The following RBBP7 variants were observed in gnomAD, a reference collection of about 807,000 sequenced individuals.
RBBP7 encodes histone-binding protein RBBP7.
In RBBP7, 5 loss-of-function variants were observed where a neutral mutation model predicts 35.2. That is an observed-to-expected ratio of 0.14 (90% CI 0.07 to 0.30). The LOEUF is 0.30. Ranked by LOEUF, RBBP7 falls within the 10% of genes least tolerant of loss-of-function variation. The pLI, the probability that RBBP7 is intolerant of heterozygous loss-of-function variation, is 1.00. For synonymous variants in RBBP7, 140 were observed against 118.7 expected (o/e 1.18, Z -1.17); for missense variants, 155 against 327.5 (o/e 0.47, Z 4.07).
intron 2 of RBBP7, among the ~76,000 whole-genome samples, chrX:16,864,542 A>AAAAAAAAAAAAAAAAG (rs1569063331): frequency 2.5e-5 from 1 of 40,705 alleles, no homozygotes; most frequent in Non-Finnish European, 4.4e-5. Context: ...AAAAAAAAAA[A>AAAAAAAAAAAAAAAAG]AAAAAGAAAA....
chrX:16,869,608 C>T, intron 1 of RBBP7: 1 of 1,162,121 alleles, frequency 8.6e-7, no homozygotes, highest in Middle Eastern at 2.3e-4. Flanking sequence ...TCAGGGGAGG[C>T]CCCAGCTCCC....
intron 2 of RBBP7, among the ~76,000 whole-genome samples, chrX:16,863,674 T>C (rs1281403717): frequency 1.8e-5 from 2 of 112,188 alleles, no homozygotes; most frequent in African/African-American, 6.5e-5. Flanking sequence ...CTGAATAAAA[T>C]AGGCTATAAG....
Position 16,870,267 on chromosome X carries a change from TTCTC to T in RBBP7, c.-218_-215del, listed in dbSNP as rs752717090. 2.3e-5 allele frequency: 9 copies of T among 386,157 alleles called. No homozygotes were observed. The highest frequency in any genetic ancestry group is 8.2e-5 in the African/African-American group (3 of 36,522). The allele number at this position is 386,157 out of a possible 1,213,427, so 31.8% of individuals were successfully genotyped here. A position where few individuals can be genotyped will look rare whatever the true frequency, so the allele number is the denominator to read the frequency against. On this transcript the variant is annotated 5_prime_UTR_variant, in exon 1 of 12. It removes the in-frame stop codon of an upstream open reading frame in the 5' UTR. Transcript: ENST00000380087. ...GCGGGTACCGAGGTCTGAGGCGCTC[TTCTC>T]TCTCTCTCCAAACTTGGAACGAGAC...
chrX:16,869,049 A>C (rs1293984709), intron 2 of RBBP7, 27 bp downstream of exon 2: 1 of 1,183,825 alleles, frequency 8.4e-7, no homozygotes, highest in Non-Finnish European at 1.1e-6. Flanking sequence ...AAATTTAAAC[A>C]AAATAAAAGT....
In RBBP7 at chrX:16,857,792, C is replaced by T. The variant is rs1602421148; in HGVS notation, c.482-83G>A. On this transcript the variant is annotated intron_variant, in intron 4 of 11. Transcript: ENST00000380087. Reference sequence around the variant, plus strand: ...AATTCTCACTCCTTCATTGAGTGAACCATTACAGCAACTGCACACGAACGA... The same window carrying T: ...AATTCTCACTCCTTCATTGAGTGAATCATTACAGCAACTGCACACGAACGA... 4.5e-6 allele frequency: 5 copies of T among 1,121,236 alleles called. No individual in the cohort carries two copies. In the East Asian group the frequency reaches 1.6e-4, roughly 36 times the overall value. 92.4% of individuals were successfully genotyped at this position (1,121,236 alleles called of 1,213,427 possible). A position where few individuals can be genotyped will look rare whatever the true frequency, so the allele number is the denominator to read the frequency against.
At chrX:16,867,955 G>A (rs996743682) in intron 2 of RBBP7, among the ~76,000 whole-genome samples, 1 of 111,244 alleles carries the variant, frequency 9.0e-6, no homozygotes, top group African/African-American at 3.3e-5. Flanking sequence ...GAAGTGCTAC[G>A]ATTACAGGCG....
Position 16,844,745 on chromosome X carries a change from C to CTT in RBBP7, c.*288_*289dup, listed in dbSNP as rs750937673. The CTT allele has an allele frequency of 4.8e-6, 1 of 209,533 alleles. No homozygotes were observed. Among genetic ancestry groups the CTT allele is most frequent in the Admixed American group, 7.2e-5 (1 of 13,826 alleles). The allele number at this position is 209,533 out of a possible 1,213,427, so 17.3% of individuals were successfully genotyped here. A position where few individuals can be genotyped will look rare whatever the true frequency, so the allele number is the denominator to read the frequency against. ...CTTGCATATTTGGGAACAGCAAGCA[C>CTT]TTAGTTTGAGAAAATGAGGACTTAA... On this transcript the variant is annotated 3_prime_UTR_variant, in exon 12 of 12. Transcript: ENST00000380087.
chrX:16,856,402 T>C (rs1473646191), intron 5 of RBBP7, among the ~76,000 whole-genome samples: 5 of 111,059 alleles, frequency 4.5e-5, no homozygotes, highest in African/African-American at 1.6e-4. Context: ...TCATGGTGCA[T>C]GGCTGTAATC....
intron 10 of RBBP7, 129 bp from the exon 11 acceptor site, chrX:16,846,067 T>C: frequency 9.6e-7 from 1 of 1,045,220 alleles, no homozygotes; most frequent in Non-Finnish European, 1.3e-6. Context: ...TAGAAGGTGG[T>C]ACAGGCTCAG....
At chrX:16,857,553 C>T (rs1395986790) in intron 5 of RBBP7, 41 bp downstream of exon 5, 1 of 1,205,819 alleles carries the variant, frequency 8.3e-7, no homozygotes, top group Non-Finnish European at 1.1e-6. Flanking sequence ...GACACGTCAG[C>T]TCTCACTATA....
At chrX:16,864,985 G>A (rs960457656) in intron 2 of RBBP7, among the ~76,000 whole-genome samples, 4 of 96,120 alleles carry the variant, frequency 4.2e-5, no homozygotes, top group African/African-American at 1.6e-4. Flanking sequence ...CGTAGTACCA[G>A]CTACTAGGGC....
chrX:16,869,884 C>G, intron 1 of RBBP7, 154 bp downstream of exon 1: 2 of 804,165 alleles, frequency 2.5e-6, no homozygotes, highest in Non-Finnish European at 3.0e-6. Context: ...GGTCCCGTCC[C>G]GCGCAGGCCC....
chrX:16,870,032 T>C lies in RBBP7; in HGVS notation c.16+6A>G. ...CCGGCGCGCGCCGCCCCGCAGGGCC[T>C]CTTACTCTCTTTACTCGCCATCTTG... On this transcript the variant is annotated splice_donor_region_variant and intron_variant, in intron 1 of 11. Coordinates refer to ENST00000380087, the MANE Select transcript of RBBP7 (RefSeq NM_002893.4). 4.9e-6 allele frequency: 5 copies of C among 1,012,044 alleles called. No individual in the cohort carries two copies. Among genetic ancestry groups the C allele is most frequent in the Non-Finnish European group, 5.1e-6 (4 of 780,814 alleles). 83.4% of individuals were successfully genotyped at this position (1,012,044 alleles called of 1,213,427 possible). A position where few individuals can be genotyped will look rare whatever the true frequency, so the allele number is the denominator to read the frequency against.
chrX:16,869,847 G>A (rs1296546849), intron 1 of RBBP7, 191 bp downstream of exon 1: 2 of 867,119 alleles, frequency 2.3e-6, no homozygotes, highest in African/African-American at 2.1e-5. Context: ...GCCCGGCTCC[G>A]GAAGTGCTCG....
chrX:16,860,819 T>TAA (rs1221812676), intron 3 of RBBP7, among the ~76,000 whole-genome samples: 1 of 111,889 alleles, frequency 8.9e-6, no homozygotes, highest in Non-Finnish European at 1.9e-5. Flanking sequence ...CAGAGACTGT[T>TAA]AAACTGCAAG....
At chrX:16,853,146 A>G (rs1930249845) in intron 6 of RBBP7, 2 of 327,709 alleles carry the variant, frequency 6.1e-6, no homozygotes, top group Non-Finnish European at 1.0e-5. Context: ...CAGACTATGT[A>G]GAGAATAATG....
chrX:16,860,484 C>CA (rs1930445830), intron 3 of RBBP7, among the ~76,000 whole-genome samples: 1 of 108,860 alleles, frequency 9.2e-6, no homozygotes, highest in South Asian at 4.0e-4. Flanking sequence ...GTCAGGAAAG[C>CA]AAGACCATCC....
At chrX:16,861,903 C>A (rs1930485078) in intron 3 of RBBP7, among the ~76,000 whole-genome samples, 1 of 111,638 alleles carries the variant, frequency 9.0e-6, no homozygotes, top group African/African-American at 3.3e-5. Context: ...CGCGTTGTAC[C>A]AGTTTGTCAG....
At chrX:16,860,861 C>T (rs746382146) in intron 3 of RBBP7, among the ~76,000 whole-genome samples, 12 of 110,002 alleles carry the variant, frequency 1.1e-4, no homozygotes, top group Non-Finnish European at 2.1e-4. Flanking sequence ...GGCTAAAAGC[C>T]ATTTAAAAAT....
Sources: allele counts gnomAD v4.1 joint callset (sites outside exome capture counted in the v4.1 genomes callset), GRCh38; gene constraint gnomAD v4.1.1; transcripts MANE v1.5; gene names NCBI Gene and HGNC (gene_info 2026-07-23, HGNC 2026-07-21).